TRIM66: variants seen among roughly 807,000 people sequenced by gnomAD.
The protein encoded by TRIM66 is tripartite motif-containing protein 66.
TRIM66 carries 99 observed loss-of-function variants against 148.2 expected under a neutral mutation model. That is an observed-to-expected ratio of 0.67 (90% CI 0.57 to 0.79). The LOEUF (loss-of-function observed/expected upper bound fraction) is 0.79. TRIM66 is among the 30% of genes least tolerant of loss of function. The pLI is 0.00. For missense variants in TRIM66, 1,666 were observed against 1,697.9 expected, an observed-to-expected ratio of 0.98 and a Z score of 0.33; for synonymous variants, 616 against 635.9, an observed-to-expected ratio of 0.97 and a Z score of 0.47.
chr11:8,677,526 C>G (rs1191640689), intron 3 of TRIM66, among the ~76,000 whole-genome samples: 1 of 152,046 alleles, frequency 6.6e-6, no homozygotes, highest in Non-Finnish European at 1.5e-5. Flanking sequence ...TGCCTGTAAT[C>G]CCAGTGCTTT....
intron 12 of TRIM66, among the ~76,000 whole-genome samples, chr11:8,645,106 C>G (rs2036734342): frequency 6.6e-6 from 1 of 152,174 alleles, no homozygotes; most frequent in Admixed American, 6.5e-5. Flanking sequence ...CACACTCTTC[C>G]AAGGTGATAC....
At chr11:8,630,732 CCTT>C (rs1179076373) in intron 15 of TRIM66, among the ~76,000 whole-genome samples, 2 of 152,070 alleles carry the variant, frequency 1.3e-5, no homozygotes, top group African/African-American at 2.4e-5. Context: ...TTTTTTGTCT[CCTT>C]ATCTTTGTCT....
chr11:8,649,373 G>C (rs1021170760), intron 8 of TRIM66, among the ~76,000 whole-genome samples: 4 of 152,052 alleles, frequency 2.6e-5, no homozygotes, highest in Non-Finnish European at 5.9e-5. Flanking sequence ...AAATAAAACA[G>C]ATGGTGCTGG....
At chr11:8,646,992 T>C (rs1157670235) in intron 10 of TRIM66, among the ~76,000 whole-genome samples, 1 of 151,016 alleles carries the variant, frequency 6.6e-6, no homozygotes, top group Non-Finnish European at 1.5e-5. Context: ...GGAGAGTGAC[T>C]AATAATGTTT....
chr11:8,623,906 G>T (rs1220831052), intron 17 of TRIM66, among the ~76,000 whole-genome samples: 1 of 152,200 alleles, frequency 6.6e-6, no homozygotes, highest in African/African-American at 2.4e-5. Flanking sequence ...AGAAGTAGGT[G>T]CGATTGGCCC....
chr11:8,654,112 G>A (rs538441408), intron 6 of TRIM66, among the ~76,000 whole-genome samples: 7 of 152,168 alleles, frequency 4.6e-5, no homozygotes, highest in Non-Finnish European at 1.0e-4. Flanking sequence ...ATGGCCTCAC[G>A]AGCAGAATGA....
chr11:8,650,044 G>C (rs1394303220), intron 7 of TRIM66, among the ~76,000 whole-genome samples, 157 bp from the exon 8 acceptor site: 1 of 152,120 alleles, frequency 6.6e-6, no homozygotes, highest in Non-Finnish European at 1.5e-5. Flanking sequence ...TAACATGCCG[G>C]GGCTTGTGGA....
In TRIM66 at chr11:8,616,996, A is replaced by T. The variant is rs1379203731; in HGVS notation, c.*948T>A. ...GTGGGTTACTCTCTCCACCCATGGAACTCTGGACCTGAAGCAGACAGCAGC... is the reference window on the plus strand; with the variant it reads ...GTGGGTTACTCTCTCCACCCATGGATCTCTGGACCTGAAGCAGACAGCAGC... On this transcript the variant is annotated 3_prime_UTR_variant, in exon 25 of 25. Transcript: ENST00000646038. 6.6e-6 allele frequency: 1 copy of T among 152,130 alleles called. No homozygotes were observed. Among genetic ancestry groups the T allele is most frequent in the Non-Finnish European group, 1.5e-5 (1 of 68,076 alleles). The allele number at this position is 152,130 out of a possible 1,614,324, so 9.4% of individuals were successfully genotyped here.
intron 23 of TRIM66, 82 bp from the exon 24 acceptor site, chr11:8,619,050 C>T: frequency 7.7e-7 from 1 of 1,304,640 alleles, no homozygotes; most frequent in Non-Finnish European, 1.1e-6. Flanking sequence ...CTACACAGAG[C>T]ACAAAGCCTA....
In TRIM66 at chr11:8,681,938, G is replaced by A. The variant is rs955290223; in HGVS notation, c.-548+663C>T. On this transcript the variant is annotated intron_variant, in intron 1 of 24. Transcript: ENST00000646038. ...CATTTATTTTTACTTATTTACTTTT[G>A]TATGTGGAGACGAGGGTCTCACTAT... 3.9e-5 allele frequency among the ~76,000 whole-genome samples: 6 copies of A among 152,084 alleles called. No homozygotes were observed. In the South Asian group the frequency reaches 1.2e-3, roughly 31 times the overall value.
chr11:8,618,981 G>C lies in TRIM66; in HGVS notation c.3901-13C>G, dbSNP rs1344202352. 7.1e-6 allele frequency: 11 copies of C among 1,550,072 alleles called. No individual in the cohort carries two copies. The highest frequency in any genetic ancestry group is 1.2e-5 in the South Asian group (1 of 83,986). On this transcript the variant is annotated splice_polypyrimidine_tract_variant and intron_variant, in intron 23 of 24. Coordinates refer to ENST00000646038, the MANE Select transcript of TRIM66 (RefSeq NM_001388022.1). ...CCTCGGAGTCAGGCTGATGGGGGAG[G>C]AGAGCAGTGATGGTCTAGCCTGTTT...
intron 7 of TRIM66, among the ~76,000 whole-genome samples, chr11:8,650,566 G>A (rs893207735): frequency 6.6e-6 from 1 of 152,136 alleles, no homozygotes; most frequent in Non-Finnish European, 1.5e-5. Context: ...GTCCTGTGCT[G>A]AAGCTAAGGA....
chr11:8,643,276 G>T (rs2036558264), intron 12 of TRIM66, 150 bp from the exon 13 acceptor site: 2 of 563,138 alleles, frequency 3.6e-6, no homozygotes, highest in Admixed American at 3.6e-5. Flanking sequence ...TTGCACCTTA[G>T]CACCTGTCCA....
chr11:8,680,930 A>C (rs2039384292), intron 1 of TRIM66: 1 of 152,226 alleles, frequency 6.6e-6, no homozygotes, highest in Non-Finnish European at 1.5e-5. Flanking sequence ...GTACAACAGA[A>C]AGAACAAGTG....
intron 6 of TRIM66, among the ~76,000 whole-genome samples, chr11:8,667,450 T>C (rs2038671572): frequency 6.6e-6 from 1 of 152,206 alleles, no homozygotes; most frequent in Non-Finnish European, 1.5e-5. Flanking sequence ...TTGCAAATCA[T>C]ATATCTAATA....
chr11:8,672,585 T>C (rs561537773), intron 4 of TRIM66, among the ~76,000 whole-genome samples, 200 bp from the exon 5 acceptor site: 8 of 150,316 alleles, frequency 5.3e-5, no homozygotes, highest in South Asian at 2.1e-4. Context: ...CAAATTCAAA[T>C]CCAGGTCAGT....
chr11:8,683,076 T>G, upstream of TRIM66: 1 of 1,074,268 alleles, frequency 9.3e-7, no homozygotes, highest in South Asian at 1.4e-5. Flanking sequence ...ATCGGTACCC[T>G]CAGCTTTCCC....
upstream of TRIM66, chr11:8,682,845 C>G (rs771859983): frequency 6.2e-7 from 1 of 1,607,738 alleles, no homozygotes; most frequent in Admixed American, 1.7e-5. Flanking sequence ...GCCTCCTCTT[C>G]CTTGCCGGCG....
intron 10 of TRIM66, 100 bp from the exon 11 acceptor site, chr11:8,646,661 G>A: frequency 1.1e-6 from 1 of 872,864 alleles, no homozygotes; most frequent in South Asian, 1.5e-5. Context: ...GCTGCCTACT[G>A]AGATCAGGGC....
Sources: allele counts gnomAD v4.1 joint callset (sites outside exome capture counted in the v4.1 genomes callset), GRCh38; gene constraint gnomAD v4.1.1; transcripts MANE v1.5; gene names NCBI Gene and HGNC (gene_info 2026-07-23, HGNC 2026-07-21).